TANC1: variants seen among roughly 807,000 people sequenced by gnomAD.
The protein encoded by TANC1 is tetratricopeptide repeat, ankyrin repeat and coiled-coil containing 1.
A neutral mutation model predicts 149.7 loss-of-function variants in TANC1; 77 were observed. That is an observed-to-expected ratio of 0.51 (90% confidence interval 0.43 to 0.62). The LOEUF is 0.62. Among genes scored for constraint, TANC1 ranks in the 20% least tolerant of loss-of-function variants. TANC1 has a pLI of 0.00. For missense variants in TANC1, 1,985 were observed against 2,321.8 expected (o/e 0.85, Z 2.98); for synonymous variants, 854 against 925.0 (o/e 0.92, Z 1.39).
chr2:159,231,004 A>G lies in TANC1; in HGVS notation c.5578A>G (p.Asn1860Asp). The change falls in exon 27 of 27, where the codon AAT becomes GAT. Residue 1860 changes from asparagine (N) to aspartate (D), a missense_variant. Physicochemically the swap from Asn to Asp is conservative, Grantham distance 23. This residue lies in a region of TANC1 where 920 missense variants were observed against 994.7 expected (regional missense o/e 0.92). Coordinates refer to ENST00000263635, the MANE Select transcript of TANC1 (RefSeq NM_033394.3). ...AKPKRSFIES[N>D]V is the part of the protein sequence containing the mutation. ...ACCAAAGCGATCATTTATAGAGTCA[A>G]ATGTGTGAACCTTAAGAAATCCCCA... 6.2e-7 allele frequency: 1 copy of G among 1,607,942 alleles called. No homozygotes were observed.
intron 3 of TANC1, among the ~76,000 whole-genome samples, chr2:159,095,545 G>C (rs1406645516): frequency 6.6e-6 from 1 of 151,802 alleles, no homozygotes; most frequent in African/African-American, 2.4e-5. Flanking sequence ...AGACCAGCCT[G>C]ACCAACATGG....
At chr2:159,118,470 G>A (rs775916795) in intron 4 of TANC1, among the ~76,000 whole-genome samples, 9 of 152,136 alleles carry the variant, frequency 5.9e-5, no homozygotes, top group Non-Finnish European at 1.5e-5. Flanking sequence ...TTGTACTTGG[G>A]TGTGATTCAG....
intron 19 of TANC1, among the ~76,000 whole-genome samples, chr2:159,207,514 A>T (rs1341382499): frequency 6.6e-6 from 1 of 151,980 alleles, no homozygotes; most frequent in Non-Finnish European, 1.5e-5. Flanking sequence ...AGTCTGGCCA[A>T]CATGGTGAAA....
intron 25 of TANC1, 38 bp downstream of exon 25, chr2:159,228,003 C>A: frequency 6.3e-7 from 1 of 1,596,378 alleles, no homozygotes; most frequent in South Asian, 1.1e-5. Context: ...AGTCTTCCAG[C>A]AACAGAGCCC....
chr2:159,133,349 T>C (rs996684378), intron 4 of TANC1, among the ~76,000 whole-genome samples: 3 of 103,688 alleles, frequency 2.9e-5, no homozygotes, highest in Admixed American at 1.2e-4. Context: ...GGTTCCTTTT[T>C]TTTTTTTTTC....
chr2:159,103,984 A>T (rs571489490), intron 4 of TANC1, among the ~76,000 whole-genome samples: 3 of 95,624 alleles, frequency 3.1e-5, no homozygotes, highest in African/African-American at 8.7e-5. Context: ...TGCTTCTTGG[A>T]GGGTGAAGAA....
Position 159,019,653 on chromosome 2 carries a change from G to GTTTTTTTTTTTTTT in TANC1, c.-16+18484_-16+18497dup, listed in dbSNP as rs55746240. 7.9e-4 allele frequency among the ~76,000 whole-genome samples: 58 copies of GTTTTTTTTTTTTTT among 73,304 alleles called. 8 individuals carry two copies. Among genetic ancestry groups the GTTTTTTTTTTTTTT allele is most frequent in the Non-Finnish European group, 1.2e-3 (47 of 39,230 alleles). The allele number at this position is 73,304 out of a possible 152,430, so 48.1% of individuals were successfully genotyped here. A position where few individuals can be genotyped will look rare whatever the true frequency, so the allele number is the denominator to read the frequency against. ...CCTAACTGCAGCTTGCTTTCTTTCTGTTTTTTTTTTTTTTTTTTTTTTTTT... is the reference window on the plus strand; with the variant it reads ...CCTAACTGCAGCTTGCTTTCTTTCTGTTTTTTTTTTTTTTTTTTTTTTTTTTTTTTTTTTTTTTT... On this transcript the variant is annotated intron_variant, in intron 2 of 26. Transcript: ENST00000263635.
In TANC1 at chr2:159,097,793, A is replaced by G; in HGVS notation, c.218A>G (p.Gln73Arg). 6.2e-7 allele frequency: 1 copy of G among 1,614,054 alleles called. No homozygotes were observed. The highest frequency in any genetic ancestry group is 8.5e-7 in the Non-Finnish European group (1 of 1,180,016). ...CCTTCCTCACCTTTGCTGCCTCGAC[A>G]GTCTCACTTGGTGCAATCAAGAGTG... ...SLPSSPLLPRQSHLVQSRVNK... is the reference protein window; with the variant it reads ...SLPSSPLLPRRSHLVQSRVNK... The change falls in exon 4 of 27, where the codon CAG becomes CGG. Residue 73 changes from glutamine to arginine, a missense_variant. Gln to Arg is a conservative substitution (Grantham distance 43). Transcript: ENST00000263635.
intron 19 of TANC1, among the ~76,000 whole-genome samples, chr2:159,215,756 CCT>C (rs1433582848): frequency 2.0e-5 from 3 of 152,204 alleles, no homozygotes; most frequent in African/African-American, 7.2e-5. Flanking sequence ...TGAACAAAAT[CCT>C]CTGTGTGTTT....
In TANC1 at chr2:159,223,637, G is replaced by C. The variant is rs557679134; in HGVS notation, c.3679-595G>C. ...AGTGGCCACAGTATTTCTTCCTCTT[G>C]TTTCCAGTTTGGTTCAACTGACAGC... On this transcript the variant is annotated intron_variant, in intron 22 of 26. Coordinates refer to ENST00000263635, the MANE Select transcript of TANC1 (RefSeq NM_033394.3). Among the ~76,000 whole-genome samples, 6 of 152,172 alleles carry C rather than the reference G, an allele frequency of 3.9e-5. No homozygotes were observed. The South Asian group carries it at 1.0e-3, about 26-fold the overall frequency.
chr2:158,994,590 G>A (rs1168327299), intron 1 of TANC1, among the ~76,000 whole-genome samples: 3 of 152,156 alleles, frequency 2.0e-5, no homozygotes, highest in African/African-American at 7.2e-5. Flanking sequence ...TATTTTAAGA[G>A]TACAAAGTAG....
chr2:158,977,722 A>G (rs2033858289), intron 1 of TANC1, among the ~76,000 whole-genome samples: 1 of 151,882 alleles, frequency 6.6e-6, no homozygotes, highest in African/African-American at 2.4e-5. Context: ...TGAAAGCATC[A>G]TACCTGATAT....
At chr2:158,983,212 A>G (rs563055249) in intron 1 of TANC1, among the ~76,000 whole-genome samples, 1 of 152,212 alleles carries the variant, frequency 6.6e-6, no homozygotes, top group African/African-American at 2.4e-5. Flanking sequence ...CACGCCTGTA[A>G]TCCCAGCACT....
At chr2:159,122,474 A>G (rs2150102093) in intron 4 of TANC1, among the ~76,000 whole-genome samples, 1 of 152,334 alleles carries the variant, frequency 6.6e-6, no homozygotes, top group East Asian at 1.9e-4. Context: ...CATAGAGCAA[A>G]AATGAACTTT....
At chr2:159,013,220 A>C (rs914935586) in intron 2 of TANC1, among the ~76,000 whole-genome samples, 4 of 152,218 alleles carry the variant, frequency 2.6e-5, no homozygotes, top group African/African-American at 9.6e-5. Context: ...AGGATGAAAC[A>C]GGCTGACATA....
At chr2:159,196,578 G>A (rs1362149644) in intron 17 of TANC1, 30 bp from the exon 18 acceptor site, 4 of 1,574,608 alleles carry the variant, frequency 2.5e-6, no homozygotes, top group Non-Finnish European at 3.5e-6. Context: ...GTAATGCTCA[G>A]CTGTAACCTT....
Position 159,196,674 on chromosome 2 carries a change from AT to A in TANC1, c.3048del (p.Leu1017SerfsTer5). ...CAGTGCCCTACGGGGCCACGGTGAC[AT>A]TCTCCAGTACCTGCTGACTTGTGAG... ...VHSALRGHGD[I>X]LQYLLTCEWS... On this transcript the variant is annotated frameshift_variant, in exon 18 of 27. Transcript: ENST00000263635. LOFTEE classifies it high-confidence loss of function. 6.2e-7 allele frequency: 1 copy of A among 1,614,088 alleles called. No homozygotes were observed. The highest frequency in any genetic ancestry group is 8.5e-7 in the Non-Finnish European group (1 of 1,179,982).
intron 25 of TANC1, 82 bp downstream of exon 25, chr2:159,228,047 C>A: frequency 6.8e-7 from 1 of 1,476,318 alleles, no homozygotes; most frequent in Non-Finnish European, 9.2e-7. Flanking sequence ...CTTCTCCAGA[C>A]CAGATCCTGG....
chr2:158,996,299 G>T (rs1458739442), intron 1 of TANC1, among the ~76,000 whole-genome samples: 1 of 152,150 alleles, frequency 6.6e-6, no homozygotes, highest in African/African-American at 2.4e-5. Flanking sequence ...GGTTGAGGCT[G>T]CAGTGAGCCG....
Sources: allele counts gnomAD v4.1 joint callset (sites outside exome capture counted in the v4.1 genomes callset), GRCh38; gene constraint gnomAD v4.1.1; regional missense constraint gnomAD v4.1.1; transcripts MANE v1.5; gene names NCBI Gene and HGNC (gene_info 2026-07-23, HGNC 2026-07-21).